The following CELF4 variants were observed in gnomAD, a reference collection of about 807,000 sequenced individuals.
The protein encoded by CELF4 is CUGBP Elav-like family member 4, also known as CUG-BP- and ETR-3-like factor 4.
Under a neutral mutation model 59.9 loss-of-function variants are expected in CELF4, and 18 were observed. The ratio of observed to expected loss-of-function variants is 0.30; its 90% CI spans 0.21 to 0.45. The LOEUF (loss-of-function observed/expected upper bound fraction) is 0.45, where lower values mean the gene tolerates loss of function less well. CELF4 is among the 20% of genes least tolerant of loss of function. The pLI is 1.00. For missense variants in CELF4, 456 were observed against 689.0 expected (o/e 0.66, Z 3.79); for synonymous variants, 261 against 267.1 (o/e 0.98, Z 0.22).
At chr18:37,450,974 T>C (rs185054778) in intron 2 of CELF4, among the ~76,000 whole-genome samples, 107 of 152,252 alleles carry the variant, frequency 7.0e-4, no homozygotes, top group Admixed American at 1.3e-3. Context: ...CCCACTGCCC[T>C]GAGTGTGGCT....
intron 2 of CELF4, among the ~76,000 whole-genome samples, chr18:37,358,333 GC>G (rs1345164927): frequency 5.3e-5 from 8 of 152,288 alleles, no homozygotes; most frequent in African/African-American, 1.7e-4. Flanking sequence ...TTTGCCTGCT[GC>G]CATCCGCAAA....
chr18:37,255,740 G>T (rs1340324694), intron 11 of CELF4, among the ~76,000 whole-genome samples: 1 of 152,144 alleles, frequency 6.6e-6, no homozygotes, highest in Non-Finnish European at 1.5e-5. Context: ...ACAAAAGCCT[G>T]TCCCTGCCAG....
At chr18:37,464,092 C>T (rs530961625) in intron 2 of CELF4, among the ~76,000 whole-genome samples, 5 of 152,354 alleles carry the variant, frequency 3.3e-5, no homozygotes, top group African/African-American at 1.2e-4. Context: ...CACAGCAGAA[C>T]ACCCCAAATC....
Position 37,470,890 on chromosome 18 carries a change from CAGAGAG to C in CELF4, c.369+14629_369+14634del, listed in dbSNP as rs142446683. 2.8e-3 allele frequency among the ~76,000 whole-genome samples: 264 copies of C among 95,010 alleles called. 1 individual carries two copies. Among genetic ancestry groups the C allele is most frequent in the African/African-American group, 9.7e-3 (234 of 24,012 alleles). The allele number at this position is 95,010 out of a possible 152,430, so 62.3% of individuals were successfully genotyped here. A position where few individuals can be genotyped will look rare whatever the true frequency, so the allele number is the denominator to read the frequency against. On this transcript the variant is annotated intron_variant, in intron 2 of 12. Transcript: ENST00000420428. ...TGTGTGTGTGTGTGTGTGTGTGTGA[CAGAGAG>C]AGAGAGAGAGAGAGAGAGAGAGAGG...
At chr18:37,546,160 T>C (rs1008470698) in intron 1 of CELF4, among the ~76,000 whole-genome samples, 1 of 152,178 alleles carries the variant, frequency 6.6e-6, no homozygotes, top group African/African-American at 2.4e-5. Context: ...TGGTAGAAAC[T>C]GTAGTCATAG....
intron 2 of CELF4, among the ~76,000 whole-genome samples, chr18:37,440,789 C>A (rs75881156): frequency 0.092 from 14,013 of 152,026 alleles, 725 homozygotes; most frequent in East Asian, 0.16. Context: ...TATCTACCTA[C>A]CTAACTACCC....
intron 2 of CELF4, among the ~76,000 whole-genome samples, chr18:37,388,614 T>A (rs1445487424): frequency 6.6e-6 from 1 of 152,132 alleles, no homozygotes. Context: ...GCAAACACCC[T>A]TCTAGGTCTG....
chr18:37,301,685 G>A (rs1434132562), intron 3 of CELF4, among the ~76,000 whole-genome samples: 1 of 152,194 alleles, frequency 6.6e-6, no homozygotes, highest in Non-Finnish European at 1.5e-5. Context: ...CTGAACCACC[G>A]CTCTCTGTTG....
chr18:37,338,796 T>TGTGTGTG (rs2097879540), intron 2 of CELF4, among the ~76,000 whole-genome samples: 10 of 126,934 alleles, frequency 7.9e-5, no homozygotes, highest in East Asian at 4.9e-4. Flanking sequence ...GTGTGTGTGG[T>TGTGTGTG]GTGTGTGATC....
intron 6 of CELF4, chr18:37,273,566 T>G (rs2241945): frequency 1.2e-5 from 12 of 994,558 alleles, no homozygotes; most frequent in Admixed American, 5.8e-5. Flanking sequence ...TGGTTTTAAT[T>G]TGGAGTCTGT....
At chr18:37,305,054 C>T (rs796672218) in intron 3 of CELF4, among the ~76,000 whole-genome samples, 13 of 152,146 alleles carry the variant, frequency 8.5e-5, no homozygotes, top group African/African-American at 2.9e-4. Flanking sequence ...TGGAGGGGAA[C>T]AGGAGGAGGA....
intron 1 of CELF4, among the ~76,000 whole-genome samples, chr18:37,488,979 T>C (rs1436416656): frequency 1.3e-5 from 2 of 152,178 alleles, no homozygotes; most frequent in African/African-American, 2.4e-5. Context: ...CCAGTGAGTA[T>C]GAACAGCCTC....
At chr18:37,419,680 C>T (rs2099558683) in intron 2 of CELF4, among the ~76,000 whole-genome samples, 1 of 152,288 alleles carries the variant, frequency 6.6e-6, no homozygotes, top group East Asian at 1.9e-4. Context: ...AGAGCTTAGG[C>T]AAGACTGTAA....
intron 2 of CELF4, among the ~76,000 whole-genome samples, chr18:37,392,779 C>T (rs2099178472): frequency 6.6e-6 from 1 of 152,184 alleles, no homozygotes; most frequent in South Asian, 2.1e-4. Flanking sequence ...TTCAGTGGTC[C>T]CTCAGGTCTC....
chr18:37,285,806 A>T (rs761316136), intron 3 of CELF4, among the ~76,000 whole-genome samples: 1 of 152,160 alleles, frequency 6.6e-6, no homozygotes, highest in Non-Finnish European at 1.5e-5. Context: ...GCGCGCAGCC[A>T]TCTCTCCAGG....
In CELF4 at chr18:37,374,072, T is replaced by C. The variant is rs545849063; in HGVS notation, c.370-52191A>G. On this transcript the variant is annotated intron_variant, in intron 2 of 12. Coordinates refer to ENST00000420428, the MANE Select transcript of CELF4 (RefSeq NM_020180.4). ...GGCATTTTACCGAAATCCACAGCAA[T>C]TCACATGCCAGAAAGGTGGCTACCC... Among the ~76,000 whole-genome samples the C allele has an allele frequency of 9.2e-5, 14 of 152,198 alleles. No individual in the cohort carries two copies. In the East Asian group the frequency reaches 1.2e-3, roughly 13 times the overall value.
intron 2 of CELF4, among the ~76,000 whole-genome samples, chr18:37,452,272 C>A (rs1171951893): frequency 6.6e-6 from 1 of 152,226 alleles, no homozygotes; most frequent in Non-Finnish European, 1.5e-5. Context: ...GTGAGTAGAA[C>A]TGCAGAACTC....
chr18:37,423,379 A>T lies in CELF4; in HGVS notation c.369+62146T>A, dbSNP rs573655528. ...CTCGGGGGACTGGCTTTCACATGGA[A>T]AGGAGTCCTTGTGGGGCCAGAGTGG... On this transcript the variant is annotated intron_variant, in intron 2 of 12. Transcript: ENST00000420428. 3.9e-5 allele frequency among the ~76,000 whole-genome samples: 6 copies of T among 152,246 alleles called. No individual in the cohort carries two copies. In the South Asian group the frequency reaches 1.2e-3, roughly 32 times the overall value.
intron 1 of CELF4, among the ~76,000 whole-genome samples, chr18:37,547,006 A>C (rs948179311): frequency 4.6e-5 from 7 of 152,258 alleles, no homozygotes; most frequent in Middle Eastern, 3.4e-3. Context: ...CAACTTCCAA[A>C]TGGTCAGCTT....
Sources: gnomAD v4.1 joint callset for allele counts (sites outside exome capture counted in the v4.1 genomes callset) on GRCh38, gnomAD v4.1.1 for gene constraint, MANE v1.5 for transcripts, NCBI Gene and HGNC (gene_info 2026-07-23, HGNC 2026-07-21) for gene names.